Variants in IL1RAPL1 observed in about 807,000 individuals in gnomAD.
IL1RAPL1 encodes the protein interleukin 1 receptor accessory protein like 1, also known as interleukin-1 receptor accessory protein-like 1.
Under a neutral mutation model 48.4 loss-of-function variants are expected in IL1RAPL1, and 3 were observed. The observed-to-expected ratio is 0.06, with a 90% confidence interval of 0.03 to 0.16. The LOEUF (loss-of-function observed/expected upper bound fraction) is 0.16. IL1RAPL1 is among the 10% of genes least tolerant of loss of function. The pLI is 1.00. For synonymous variants in IL1RAPL1, 185 were observed against 187.7 expected (o/e 0.99, Z 0.12); for missense variants, 349 against 530.6 (o/e 0.66, Z 3.36).
intron 6 of IL1RAPL1, among the ~76,000 whole-genome samples, chrX:29,799,177 G>T (rs777851709): frequency 8.9e-6 from 1 of 112,334 alleles, no homozygotes; most frequent in Non-Finnish European, 1.9e-5. Context: ...ACAATTAAAA[G>T]TCAATACAAA....
At chrX:28,732,253 C>T (rs1383297827) in intron 1 of IL1RAPL1, among the ~76,000 whole-genome samples, 5 of 111,994 alleles carry the variant, frequency 4.5e-5, no homozygotes, top group African/African-American at 1.6e-4. Flanking sequence ...AACATTTCCT[C>T]CTTAAATATT....
chrX:29,825,383 A>G (rs1255842811), intron 6 of IL1RAPL1, among the ~76,000 whole-genome samples: 1 of 111,053 alleles, frequency 9.0e-6, no homozygotes, highest in African/African-American at 3.3e-5. Flanking sequence ...TCCTACTCCA[A>G]ACTGGAAGCT....
intron 6 of IL1RAPL1, among the ~76,000 whole-genome samples, chrX:29,823,755 T>G (rs1930671275): frequency 8.9e-6 from 1 of 111,929 alleles, no homozygotes; most frequent in Non-Finnish European, 1.9e-5. Flanking sequence ...TATGGAAACA[T>G]TGTCTCTCCT....
At chrX:29,133,445 A>G (rs1929063129) in intron 2 of IL1RAPL1, among the ~76,000 whole-genome samples, 1 of 111,654 alleles carries the variant, frequency 9.0e-6, no homozygotes, top group Admixed American at 9.6e-5. Flanking sequence ...ATCAGCCTGG[A>G]TAGCAAACAA....
chrX:29,647,888 ATATGGTACC>A (rs1482523680), intron 5 of IL1RAPL1, among the ~76,000 whole-genome samples: 1 of 111,941 alleles, frequency 8.9e-6, no homozygotes, highest in East Asian at 2.8e-4. Flanking sequence ...AGACTCTTCT[ATATGGTACC>A]TATAAAAAAA....
At chrX:29,283,271 C>T (rs1367491084) in intron 3 of IL1RAPL1, 54 bp downstream of exon 3, 7 of 1,111,384 alleles carry the variant, frequency 6.3e-6, no homozygotes, top group Admixed American at 2.2e-5. Flanking sequence ...GCTGCTTTCT[C>T]GTACTTAAAT....
intron 5 of IL1RAPL1, among the ~76,000 whole-genome samples, chrX:29,468,252 A>G (rs1229271898): frequency 8.9e-6 from 1 of 112,675 alleles, no homozygotes; most frequent in Non-Finnish European, 1.9e-5. Flanking sequence ...GGTATTATTA[A>G]TATGGAATTT....
At chrX:29,920,549 C>G (rs1189230397) in intron 8 of IL1RAPL1, among the ~76,000 whole-genome samples, 1 of 110,005 alleles carries the variant, frequency 9.1e-6, no homozygotes, top group Non-Finnish European at 1.9e-5. Context: ...AATCCCAGCA[C>G]TGTGGGAGGC....
chrX:29,009,342 A>G (rs757825354), intron 2 of IL1RAPL1, among the ~76,000 whole-genome samples: 1 of 111,849 alleles, frequency 8.9e-6, no homozygotes, highest in Non-Finnish European at 1.9e-5. Flanking sequence ...TACCCCATGA[A>G]CCAAAAGTAA....
chrX:28,598,436 G>C (rs942664876), intron 1 of IL1RAPL1, among the ~76,000 whole-genome samples: 1 of 110,909 alleles, frequency 9.0e-6, no homozygotes, highest in African/African-American at 3.3e-5. Context: ...TAGTAAGCTG[G>C]AAAATAGCCA....
chrX:29,215,987 A>T (rs961375553), intron 2 of IL1RAPL1, among the ~76,000 whole-genome samples: 4 of 110,999 alleles, frequency 3.6e-5, no homozygotes, highest in Non-Finnish European at 5.7e-5. Context: ...TCCATCCGCA[A>T]AGTTGGATTA....
intron 1 of IL1RAPL1, among the ~76,000 whole-genome samples, chrX:28,736,753 G>A (rs1366558875): frequency 1.8e-5 from 2 of 112,006 alleles, no homozygotes; most frequent in African/African-American, 6.5e-5. Context: ...TAAGCTTGAT[G>A]TATTAACACT....
chrX:29,875,427 A>G (rs1931882088), intron 6 of IL1RAPL1, among the ~76,000 whole-genome samples: 1 of 111,518 alleles, frequency 9.0e-6, no homozygotes, highest in Non-Finnish European at 1.9e-5. Flanking sequence ...CCTTATCATC[A>G]AGTGATCTGA....
At chrX:29,440,238 G>T (rs1016019185) in intron 5 of IL1RAPL1, among the ~76,000 whole-genome samples, 1 of 110,485 alleles carries the variant, frequency 9.1e-6, no homozygotes, top group African/African-American at 3.3e-5. Flanking sequence ...GAACCCTGGG[G>T]ACAGAAATTT....
intron 5 of IL1RAPL1, among the ~76,000 whole-genome samples, chrX:29,531,022 G>A (rs1257383333): frequency 8.9e-6 from 1 of 111,939 alleles, no homozygotes; most frequent in African/African-American, 3.2e-5. Flanking sequence ...TACTCAGTAA[G>A]TGCTAGTTTT....
At chrX:29,051,065 T>C in intron 2 of IL1RAPL1, among the ~76,000 whole-genome samples, 1 of 112,242 alleles carries the variant, frequency 8.9e-6, no homozygotes, top group Non-Finnish European at 1.9e-5. Context: ...ACACAGATAC[T>C]TATACATGTT....
intron 2 of IL1RAPL1, among the ~76,000 whole-genome samples, chrX:28,794,358 C>A (rs961743430): frequency 9.0e-6 from 1 of 111,185 alleles, no homozygotes; most frequent in Non-Finnish European, 1.9e-5. Flanking sequence ...TGTCATTGTG[C>A]AGAATTTTGA....
intron 5 of IL1RAPL1, among the ~76,000 whole-genome samples, chrX:29,598,932 A>G (rs1923635917): frequency 8.9e-6 from 1 of 111,943 alleles, no homozygotes; most frequent in African/African-American, 3.2e-5. Flanking sequence ...CTTATGTGTC[A>G]GGTGAATCTC....
chrX:29,336,307 GTGT>G lies in IL1RAPL1; in HGVS notation c.362+53091_362+53093del, dbSNP rs1569289453. 6.0e-3 allele frequency among the ~76,000 whole-genome samples: 65 copies of G among 10,747 alleles called. 4 individuals are homozygous for G. The highest frequency in any genetic ancestry group is 0.014 in the South Asian group (6 of 437). 9.3% of individuals were successfully genotyped at this position (10,747 alleles called of 115,157 possible). ...ATATATATATGCACCGTTTTGGGGT[GTGT>G]GTGTGTGTGTGTGTGTGTGTGTGTG... On this transcript the variant is annotated intron_variant, in intron 3 of 10. Transcript: ENST00000378993.
Sources: allele counts gnomAD v4.1 joint callset (sites outside exome capture counted in the v4.1 genomes callset), GRCh38; gene constraint gnomAD v4.1.1; transcripts MANE v1.5; gene names NCBI Gene and HGNC (gene_info 2026-07-23, HGNC 2026-07-21).